NBN: variants seen among roughly 807,000 people sequenced by gnomAD.
NBN encodes Nijmegen breakage syndrome 1 (nibrin).
NBN carries 88 observed loss-of-function variants against 90.8 expected under a neutral mutation model. The ratio of observed to expected loss-of-function variants is 0.97; its 90% CI spans 0.82 to 1.16. The LOEUF (loss-of-function observed/expected upper bound fraction) is 1.16. Ranked by LOEUF, NBN falls within the 50% of genes most tolerant of loss-of-function variation. The probability of loss-of-function intolerance (pLI) is 0.00; values close to 1 mark genes in which losing one functional copy is unlikely to be tolerated. For missense variants in NBN, 894 were observed against 869.6 expected (o/e 1.03, Z -0.35); for synonymous variants, 328 against 295.1 (o/e 1.11, Z -1.14).
chr8:89,943,872 G>A (rs1291414569), intron 13 of NBN, among the ~76,000 whole-genome samples: 1 of 152,074 alleles, frequency 6.6e-6, no homozygotes, highest in Non-Finnish European at 1.5e-5. Flanking sequence ...GTAAAGAGGT[G>A]CTTTAAGAAA....
intron 8 of NBN, among the ~76,000 whole-genome samples, chr8:89,962,312 T>C (rs78706418): frequency 0.018 from 2,673 of 152,284 alleles, 78 homozygotes; most frequent in African/African-American, 0.06. Context: ...TGACCCCAAA[T>C]GGGTGCTGAG....
At chr8:89,973,505 T>C (rs1811605710) in intron 5 of NBN, among the ~76,000 whole-genome samples, 3 of 152,204 alleles carry the variant, frequency 2.0e-5, no homozygotes, top group Non-Finnish European at 2.9e-5. Flanking sequence ...TTCTTAGTAA[T>C]ACCTACATTT....
At chr8:89,954,906 G>A (rs1563529770) in intron 10 of NBN, among the ~76,000 whole-genome samples, 1 of 152,090 alleles carries the variant, frequency 6.6e-6, no homozygotes, top group Non-Finnish European at 1.5e-5. Context: ...AAAAATCTGG[G>A]ATGATCAATA....
chr8:89,944,589 T>G (rs1247593505), intron 13 of NBN, among the ~76,000 whole-genome samples: 1 of 152,192 alleles, frequency 6.6e-6, no homozygotes, highest in East Asian at 1.9e-4. Flanking sequence ...AACCCGCAAG[T>G]TGACCACTTC....
At chr8:89,971,433 G>C in intron 5 of NBN, 143 bp from the exon 6 acceptor site, 1 of 992,454 alleles carries the variant, frequency 1.0e-6, no homozygotes, top group Non-Finnish European at 1.4e-6. Flanking sequence ...ATTTTATCTG[G>C]GACAAAATGA....
At chr8:89,938,670 C>A (rs1272985316) in intron 14 of NBN, among the ~76,000 whole-genome samples, 1 of 152,178 alleles carries the variant, frequency 6.6e-6, no homozygotes, top group Non-Finnish European at 1.5e-5. Flanking sequence ...AACGAGGCTG[C>A]CTCAGGGCTT....
At chr8:89,949,142 G>T (rs1479057952) in intron 11 of NBN, among the ~76,000 whole-genome samples, 1 of 152,186 alleles carries the variant, frequency 6.6e-6, no homozygotes, top group East Asian at 1.9e-4. Flanking sequence ...GAATTACACA[G>T]TGAAAGCTAA....
At chr8:89,947,173 T>G (rs1277204660) in intron 12 of NBN, among the ~76,000 whole-genome samples, 1 of 152,186 alleles carries the variant, frequency 6.6e-6, no homozygotes, top group Non-Finnish European at 1.5e-5. Flanking sequence ...TACTCTTATC[T>G]GATATAAATC....
chr8:89,946,507 A>G, intron 12 of NBN: 1 of 513,756 alleles, frequency 1.9e-6, no homozygotes, highest in Non-Finnish European at 3.5e-6. Context: ...AACTTTGGAA[A>G]CATTTATAAC....
At chr8:89,958,619 T>C in intron 9 of NBN, 106 bp downstream of exon 9, 2 of 1,341,376 alleles carry the variant, frequency 1.5e-6, no homozygotes, top group Non-Finnish European at 2.1e-6. Context: ...CATTCTTCCA[T>C]GCTTTCTCTC....
chr8:89,974,246 T>C (rs1315596502), intron 5 of NBN, among the ~76,000 whole-genome samples: 2 of 148,720 alleles, frequency 1.3e-5, no homozygotes, highest in African/African-American at 2.5e-5. Flanking sequence ...CCATTTACTA[T>C]ATGGCTTTTT....
At position 89,984,519 on chromosome 8, in the gene NBN, C is replaced by T. The variant is rs540868733; in HGVS notation, c.37+6G>A. On this transcript the variant is annotated splice_donor_region_variant and intron_variant, in intron 1 of 15. Coordinates refer to ENST00000265433, the MANE Select transcript of NBN (RefSeq NM_002485.5). ...ATAGGCCCCGAGGCTTCCCTTCTGC[C>T]CTTACCTCCTGCCGGGCCCGCGGCG... is the stretch of plus-strand genomic sequence containing the variant. The T allele has an allele frequency of 2.0e-5, 32 of 1,612,718 alleles. No individual in the cohort carries two copies. In the East Asian group the frequency reaches 7.1e-4, roughly 36 times the overall value.
chr8:89,981,955 T>A (rs1234582734), intron 2 of NBN: 1 of 1,185,820 alleles, frequency 8.4e-7, no homozygotes, highest in Non-Finnish European at 1.1e-6. Flanking sequence ...TGACTTACAG[T>A]AACAATTTTA....
At chr8:89,947,247 T>A (rs1810232793) in intron 12 of NBN, among the ~76,000 whole-genome samples, 1 of 152,170 alleles carries the variant, frequency 6.6e-6, no homozygotes, top group African/African-American at 2.4e-5. Context: ...GAAAATGACT[T>A]GTTCAAGGCC....
Position 89,955,307 on chromosome 8 carries a change from T to C in NBN, c.1373A>G (p.Tyr458Cys), listed in dbSNP as rs544909538. The C allele has an allele frequency of 1.6e-5, 26 of 1,613,776 alleles. No homozygotes were observed. The Admixed American group carries it at 2.2e-4, about 13-fold the overall frequency. ...CCTTTTTTTGGTAGACGGCTGAAAG[T>C]AGTTTCTGATGGAGTTGGTCTGCTG... ...QQQQTNSIRNYFQPSTKKRER... is the reference protein window; with the variant it reads ...QQQQTNSIRNCFQPSTKKRER... Residue 458 changes from tyrosine to cysteine, a missense_variant, in exon 10 of 16, where the codon TAC (tyrosine) becomes TGC (cysteine). By Grantham distance (194) the Tyr-to-Cys change is radical (BLOSUM62 -2). Coordinates refer to ENST00000265433, the MANE Select transcript of NBN (RefSeq NM_002485.5).
At chr8:89,982,914 AACAC>A in intron 1 of NBN, 59 bp from the exon 2 acceptor site, 1 of 1,514,930 alleles carries the variant, frequency 6.6e-7, no homozygotes, top group Non-Finnish European at 9.1e-7. Flanking sequence ...CATGTACACG[AACAC>A]ACACATACAT....
At chr8:89,939,981 A>G (rs35696408) in intron 14 of NBN, among the ~76,000 whole-genome samples, 42,513 of 152,122 alleles carry the variant, frequency 0.28, 6,058 homozygotes, top group East Asian at 0.41. Context: ...ATGTCTTCAG[A>G]CAACAGAAAC....
chr8:89,946,664 TTGTACACTGAGATTATAATATATCC>T (rs1810207599), intron 12 of NBN: 1 of 245,650 alleles, frequency 4.1e-6, no homozygotes, highest in Non-Finnish European at 8.0e-6. Context: ...TTCATTAAAA[TTGTACACTGAGATTATAATATATCC>T]TGTTCTACAG....
Position 89,953,570 on chromosome 8 carries a change from G to T in NBN, c.1519C>A (p.His507Asn). The T allele has an allele frequency of 6.2e-7, 1 of 1,613,654 alleles. No homozygotes were observed. Residue 507 changes from histidine (H) to asparagine (N), a missense_variant, in exon 11 of 16, where the codon CAT (histidine) becomes AAT (asparagine). Transcript: ENST00000265433. The stretch of plus-strand genomic sequence containing the variant: ...TCCACAGGCTCATTCTCAGATAGAT[G>T]CTGCTCCTTATTTTTCCACAATGAG... ...TPSLWKNKEQ[H>N]LSENEPVDTN...
Sources: allele counts gnomAD v4.1 joint callset (sites outside exome capture counted in the v4.1 genomes callset), GRCh38; gene constraint gnomAD v4.1.1; transcripts MANE v1.5; gene names NCBI Gene and HGNC (gene_info 2026-07-23, HGNC 2026-07-21).